Variants in ORC5 observed in about 807,000 individuals in gnomAD.
The protein encoded by ORC5 is origin recognition complex subunit 5, also known as protein phosphatase 1, regulatory subunit 117.
In ORC5, 39 loss-of-function variants were observed where a neutral mutation model predicts 58.8. The ratio of observed to expected loss-of-function variants is 0.66; its 90% CI spans 0.51 to 0.87. The LOEUF is 0.87. Among genes scored for constraint, ORC5 ranks in the 40% least tolerant of loss-of-function variants. The probability of loss-of-function intolerance (pLI) is 0.00; values close to 1 mark genes in which losing one functional copy is unlikely to be tolerated. For missense variants in ORC5, 493 were observed against 506.3 expected (o/e 0.97, Z 0.25); for synonymous variants, 218 against 177.6 (o/e 1.23, Z -1.81).
intron 8 of ORC5, among the ~76,000 whole-genome samples, chr7:104,179,248 C>CA (rs1205488160): frequency 6.2e-5 from 9 of 146,022 alleles, no homozygotes; most frequent in East Asian, 5.9e-4. Context: ...CACACCCAGT[C>CA]AAAAAAAAGG....
At chr7:104,128,387 T>G (rs1421152270) in intron 13 of ORC5, among the ~76,000 whole-genome samples, 3 of 152,184 alleles carry the variant, frequency 2.0e-5, no homozygotes, top group Admixed American at 6.5e-5. Context: ...CCTCCCAAAG[T>G]GCTAGGATCA....
At chr7:104,147,828 T>G (rs187373376) in intron 12 of ORC5, among the ~76,000 whole-genome samples, 5 of 152,188 alleles carry the variant, frequency 3.3e-5, no homozygotes, top group African/African-American at 1.2e-4. Context: ...GTGTTGATGA[T>G]TAGAAAATGG....
chr7:104,173,838 A>ATTTTTTTTTTT (rs746698932), intron 8 of ORC5, among the ~76,000 whole-genome samples: 1 of 122,756 alleles, frequency 8.1e-6, no homozygotes, highest in Non-Finnish European at 1.8e-5. Flanking sequence ...TGGGTTTAAA[A>ATTTTTTTTTTT]TTTTTTCTTT....
At chr7:104,148,247 C>T (rs553801046) in intron 12 of ORC5, among the ~76,000 whole-genome samples, 12 of 152,278 alleles carry the variant, frequency 7.9e-5, no homozygotes, top group Non-Finnish European at 1.5e-4. Context: ...TGGTTAAGAA[C>T]AGCACTGGCT....
Position 104,207,913 on chromosome 7 carries a change from G to T in ORC5, c.-9C>A, listed in dbSNP as rs780553058. 1.9e-6 allele frequency: 3 copies of T among 1,613,812 alleles called. No individual in the cohort carries two copies. The South Asian group carries it at 3.3e-5, about 18-fold the overall frequency. ...TTTTCCAAGTGGGGCATTCTGGCAGGCACCACCGCAGAGGCCAGTGCAGCC... is the reference window on the plus strand; with the variant it reads ...TTTTCCAAGTGGGGCATTCTGGCAGTCACCACCGCAGAGGCCAGTGCAGCC... On this transcript the variant is annotated 5_prime_UTR_variant, in exon 1 of 14. Transcript: ENST00000297431.
In ORC5 at chr7:104,161,092, T is replaced by G; in HGVS notation, c.1129A>C (p.Thr377Pro). 6.3e-7 allele frequency: 1 copy of G among 1,585,788 alleles called. No individual in the cohort carries two copies. The highest frequency in any genetic ancestry group is 8.7e-7 in the Non-Finnish European group (1 of 1,154,812). Residue 377 changes from threonine to proline, a missense_variant, in exon 12 of 14, where the codon ACA (threonine) becomes CCA (proline). Coordinates refer to ENST00000297431, the MANE Select transcript of ORC5 (RefSeq NM_002553.4). ...YSIVDSRVAP[T>P]ANIFSQITSL... ...CTTACCTGGGAAAAAATATTTGCTG[T>G]TGGAGCAACTCTGCTGTCCACGATA...
intron 11 of ORC5, among the ~76,000 whole-genome samples, chr7:104,162,345 G>GT (rs1799039020): frequency 6.6e-6 from 1 of 152,022 alleles, no homozygotes; most frequent in Non-Finnish European, 1.5e-5. Flanking sequence ...GCTAACTTTT[G>GT]TATTTTTAGT....
At chr7:104,205,490 C>G (rs1230303664) in intron 1 of ORC5, among the ~76,000 whole-genome samples, 1 of 152,158 alleles carries the variant, frequency 6.6e-6, no homozygotes. Flanking sequence ...ATTACAGCAA[C>G]AGTCACAAAC....
In ORC5 at chr7:104,197,941, A is replaced by G; in HGVS notation, c.367-142T>C. Reference sequence around the variant, plus strand: ...CAGTATTGGGAAGAGAAGCTGCATAAAAGATGATTAAGTCATAAGGGCTCT... The same window carrying G: ...CAGTATTGGGAAGAGAAGCTGCATAGAAGATGATTAAGTCATAAGGGCTCT... On this transcript the variant is annotated intron_variant, in intron 3 of 13. Transcript: ENST00000297431. The G allele has an allele frequency of 5.5e-6, 3 of 542,020 alleles. No individual in the cohort carries two copies. In the South Asian group the frequency reaches 8.6e-5, roughly 15 times the overall value. The allele number at this position is 542,020 out of a possible 1,614,324, so 33.6% of individuals were successfully genotyped here. A position where few individuals can be genotyped will look rare whatever the true frequency, so the allele number is the denominator to read the frequency against.
At position 104,133,932 on chromosome 7, in the gene ORC5, A is replaced by T. The variant is rs1798550501; in HGVS notation, c.1262+2849T>A. Reference sequence around the variant, plus strand: ...GTTCTGGGAAAGTGGAGGAGATGGAATTCAGAGCATAGGTAGAAGAATCTA... The same window carrying T: ...GTTCTGGGAAAGTGGAGGAGATGGATTTCAGAGCATAGGTAGAAGAATCTA... On this transcript the variant is annotated intron_variant, in intron 13 of 13. Coordinates refer to ENST00000297431, the MANE Select transcript of ORC5 (RefSeq NM_002553.4). This position sits in a 1 kb window ranked among gnomAD's most constrained non-coding sequence, Gnocchi z 4.7. 6.6e-6 allele frequency among the ~76,000 whole-genome samples: 1 copy of T among 152,124 alleles called. No homozygotes were observed. The highest frequency in any genetic ancestry group is 2.1e-4 in the South Asian group (1 of 4,826).
intron 8 of ORC5, among the ~76,000 whole-genome samples, chr7:104,180,851 T>C (rs1194911080): frequency 1.3e-5 from 2 of 152,186 alleles, no homozygotes; most frequent in African/African-American, 2.4e-5. Context: ...ACAAAAATCA[T>C]CAAATTTCCT....
At chr7:104,150,462 G>A (rs1562807931) in intron 12 of ORC5, among the ~76,000 whole-genome samples, 1 of 151,812 alleles carries the variant, frequency 6.6e-6, no homozygotes, top group Non-Finnish European at 1.5e-5. Context: ...ACAAAGCAGA[G>A]GTGGTAAATG....
intron 12 of ORC5, among the ~76,000 whole-genome samples, chr7:104,157,256 T>C (rs1798941899): frequency 6.6e-6 from 1 of 151,980 alleles, no homozygotes; most frequent in Non-Finnish European, 1.5e-5. Context: ...TTGGATACTT[T>C]ACTGACCAAG....
chr7:104,168,451 G>A, intron 9 of ORC5, 22 bp downstream of exon 9: 2 of 1,607,452 alleles, frequency 1.2e-6, no homozygotes, highest in Non-Finnish European at 1.7e-6. Flanking sequence ...TCCGGTAACT[G>A]TCTCAATACT....
intron 8 of ORC5, among the ~76,000 whole-genome samples, chr7:104,180,570 T>A (rs1337678339): frequency 1.4e-5 from 2 of 145,228 alleles, no homozygotes; most frequent in Non-Finnish European, 3.1e-5. Context: ...ATATCAAAAT[T>A]CTAAATTAAA....
intron 12 of ORC5, among the ~76,000 whole-genome samples, chr7:104,152,980 G>C (rs1186946168): frequency 2.0e-5 from 3 of 152,256 alleles, no homozygotes. Context: ...CAAAGGCAAA[G>C]TGATTACACT....
At chr7:104,176,020 T>C (rs1257874460) in intron 8 of ORC5, among the ~76,000 whole-genome samples, 8 of 152,360 alleles carry the variant, frequency 5.3e-5, no homozygotes, top group African/African-American at 1.9e-4. Flanking sequence ...ATCCAAAATG[T>C]TGGTACACAG....
chr7:104,142,270 T>G (rs1798685718), intron 12 of ORC5, among the ~76,000 whole-genome samples: 1 of 152,080 alleles, frequency 6.6e-6, no homozygotes, highest in South Asian at 2.1e-4. Flanking sequence ...ATGTAAGACA[T>G]GAAACAATAA....
chr7:104,167,109 G>T (rs1799120216), intron 9 of ORC5, among the ~76,000 whole-genome samples: 1 of 152,030 alleles, frequency 6.6e-6, no homozygotes, highest in Non-Finnish European at 1.5e-5. Context: ...TTCTCATTCT[G>T]AAGTCTAAAT....
Sources: gnomAD v4.1 joint callset for allele counts (sites outside exome capture counted in the v4.1 genomes callset) on GRCh38, gnomAD v4.1.1 for gene constraint, Gnocchi (gnomAD v3.1) non-coding constraint, MANE v1.5 for transcripts, NCBI Gene and HGNC (gene_info 2026-07-23, HGNC 2026-07-21) for gene names.